Variants in CSMD1 observed in about 807,000 individuals in gnomAD.
The protein encoded by CSMD1 is CUB and sushi domain-containing protein 1.
CSMD1 carries 213 observed loss-of-function variants against 417.5 expected under a neutral mutation model. The ratio of observed to expected loss-of-function variants is 0.51; its 90% CI spans 0.46 to 0.57. The LOEUF (loss-of-function observed/expected upper bound fraction) is 0.57, where lower values mean the gene tolerates loss of function less well. Ranked by LOEUF, CSMD1 falls within the 20% of genes least tolerant of loss-of-function variation. The probability of loss-of-function intolerance (pLI) is 0.00; values close to 1 mark genes in which losing one functional copy is unlikely to be tolerated. For synonymous variants in CSMD1, 2,862 were observed against 1,736.8 expected, an observed-to-expected ratio of 1.65 and a Z score of -16.11; for missense variants, 6,923 against 4,529.7, an observed-to-expected ratio of 1.53 and a Z score of -15.17.
At position 4,511,176 on chromosome 8, in the gene CSMD1, A is replaced by T. The variant is rs556836603; in HGVS notation, c.303-91111T>A. The stretch of plus-strand genomic sequence containing the variant: ...TGTTAATTTTGTTTCCCACATAGCA[A>T]GCCTGCAATAGTCATCAGTCCATGT... On this transcript the variant is annotated intron_variant, in intron 2 of 69. Coordinates refer to ENST00000635120, the MANE Select transcript of CSMD1 (RefSeq NM_033225.6). Among the ~76,000 whole-genome samples, 11 of 152,214 alleles carry T rather than the reference A, an allele frequency of 7.2e-5. No individual in the cohort carries two copies. The East Asian group carries it at 2.1e-3, about 30-fold the overall frequency.
At chr8:3,094,661 A>G (rs930690121) in intron 47 of CSMD1, among the ~76,000 whole-genome samples, 7 of 152,210 alleles carry the variant, frequency 4.6e-5, no homozygotes, top group Admixed American at 3.3e-4. Context: ...TGATTAAAAT[A>G]CTGTGTTTTA....
At chr8:4,150,287 C>A (rs1277489529) in intron 3 of CSMD1, among the ~76,000 whole-genome samples, 1 of 152,154 alleles carries the variant, frequency 6.6e-6, no homozygotes, top group Non-Finnish European at 1.5e-5. Flanking sequence ...GTAGAAGTCT[C>A]CAAGCTTCCT....
Position 3,649,367 on chromosome 8 carries a change from C to G in CSMD1, c.1010-32570G>C, listed in dbSNP as rs767186145. 1.2e-4 allele frequency among the ~76,000 whole-genome samples: 18 copies of G among 152,160 alleles called. 1 individual carries two copies. The highest frequency in any genetic ancestry group is 2.6e-4 in the Non-Finnish European group (18 of 68,022). ...AGAAATCTAAATGTCCGCTTTTACACTGATATTAAAATTCATCTGTATTAG... is the reference window on the plus strand; with the variant it reads ...AGAAATCTAAATGTCCGCTTTTACAGTGATATTAAAATTCATCTGTATTAG... On this transcript the variant is annotated intron_variant, in intron 7 of 69. Transcript: ENST00000635120.
rs1028189539 is a variant in CSMD1 at position 3,399,322 on chromosome 8, A to G, written c.2405+69T>C. The G allele has an allele frequency of 2.2e-6, 3 of 1,394,842 alleles. No homozygotes were observed. In the African/African-American group the frequency reaches 4.4e-5, roughly 20 times the overall value. 86.4% of individuals were successfully genotyped at this position (1,394,842 alleles called of 1,614,324 possible). ...AACTGCCATCTTTTTAAAGTTTAAG[A>G]TCCATTTACTAAAACTATGGAAGAG... On this transcript the variant is annotated intron_variant, in intron 16 of 69. Coordinates refer to ENST00000635120, the MANE Select transcript of CSMD1 (RefSeq NM_033225.6).
chr8:4,166,167 T>A (rs560211658), intron 3 of CSMD1, among the ~76,000 whole-genome samples: 1 of 152,204 alleles, frequency 6.6e-6, no homozygotes, highest in Non-Finnish European at 1.5e-5. Flanking sequence ...AAATTTGTAG[T>A]AGTCTACTTG....
intron 3 of CSMD1, among the ~76,000 whole-genome samples, chr8:4,374,598 G>C (rs1802602404): frequency 6.6e-6 from 1 of 152,124 alleles, no homozygotes; most frequent in East Asian, 1.9e-4. Context: ...AAGGGAAGCA[G>C]CTAAGAAATG....
At chr8:4,887,578 C>A (rs539861062) in intron 1 of CSMD1, among the ~76,000 whole-genome samples, 2 of 151,916 alleles carry the variant, frequency 1.3e-5, no homozygotes, top group Non-Finnish European at 2.9e-5. Flanking sequence ...AAGTCACCAA[C>A]CATTATTTTA....
intron 5 of CSMD1, among the ~76,000 whole-genome samples, chr8:3,969,833 A>C (rs1473903489): frequency 6.6e-6 from 1 of 152,192 alleles, no homozygotes; most frequent in Non-Finnish European, 1.5e-5. Flanking sequence ...TTTTAAATGA[A>C]GTATCCATCT....
At position 4,543,671 on chromosome 8, in the gene CSMD1, GAAAAAAAAAAAAA is replaced by G. The variant is rs35739254; in HGVS notation, c.302+93658_302+93670del. On this transcript the variant is annotated intron_variant, in intron 2 of 69. Coordinates refer to ENST00000635120, the MANE Select transcript of CSMD1 (RefSeq NM_033225.6). ...ATATGGGAAGGACACGTTTAATTTT[GAAAAAAAAAAAAA>G]AAAAAAAAAAAAAAAACCCACACCA... is the stretch of plus-strand genomic sequence containing the variant. 1.9e-4 allele frequency among the ~76,000 whole-genome samples: 11 copies of G among 57,336 alleles called. No individual in the cohort carries two copies. The South Asian group carries it at 8.3e-3, about 43-fold the overall frequency. The allele number at this position is 57,336 out of a possible 152,430, so 37.6% of individuals were successfully genotyped here.
At chr8:4,674,456 G>A (rs1057232948) in intron 1 of CSMD1, among the ~76,000 whole-genome samples, 1 of 152,140 alleles carries the variant, frequency 6.6e-6, no homozygotes, top group Non-Finnish European at 1.5e-5. Flanking sequence ...CAAACACCTG[G>A]CAGAGGAGGC....
At chr8:3,296,476 G>C (rs536785651) in intron 25 of CSMD1, among the ~76,000 whole-genome samples, 1 of 152,050 alleles carries the variant, frequency 6.6e-6, no homozygotes. Context: ...ATGATACACC[G>C]ATGCGGGATT....
chr8:4,581,667 C>G (rs1799424110), intron 2 of CSMD1, among the ~76,000 whole-genome samples: 1 of 152,186 alleles, frequency 6.6e-6, no homozygotes, highest in African/African-American at 2.4e-5. Context: ...TCATTTGAAT[C>G]TGTCTATGCT....
Position 4,088,630 on chromosome 8 carries a change from TG to T in CSMD1, c.416-56532del, listed in dbSNP as rs549315744. 3.5e-3 allele frequency among the ~76,000 whole-genome samples: 538 copies of T among 152,270 alleles called. 2 individuals carry two copies. Among genetic ancestry groups the T allele is most frequent in the Non-Finnish European group, 6.1e-3 (415 of 68,022 alleles). ...CTCTCCCCTTCCCACCCAACCAGGT[TG>T]AGAGTAAAGCCCAAAGTCATTGTCT... On this transcript the variant is annotated intron_variant, in intron 3 of 69. Coordinates refer to ENST00000635120, the MANE Select transcript of CSMD1 (RefSeq NM_033225.6).
At chr8:4,324,639 C>G (rs1029343749) in intron 3 of CSMD1, among the ~76,000 whole-genome samples, 2 of 152,168 alleles carry the variant, frequency 1.3e-5, no homozygotes, top group African/African-American at 4.8e-5. Context: ...CAGAAGAAAA[C>G]AAACAAACAC....
At position 3,493,315 on chromosome 8, in the gene CSMD1, G is replaced by GAAAAA. The variant is rs1563090576; in HGVS notation, c.1448+307_1448+308insTTTTT. ...TCTCAAAAAAAAAAAAAAAAAAAGG[G>GAAAAA]GGGGCGGAGGGGTTGATTTGAAAAA... On this transcript the variant is annotated intron_variant, in intron 11 of 69. Transcript: ENST00000635120. 6.2e-4 allele frequency among the ~76,000 whole-genome samples: 92 copies of GAAAAA among 148,150 alleles called. 1 individual carries two copies. Among genetic ancestry groups the GAAAAA allele is most frequent in the African/African-American group, 2.1e-3 (84 of 39,752 alleles).
chr8:4,173,852 G>C (rs529893988), intron 3 of CSMD1, among the ~76,000 whole-genome samples: 4 of 152,236 alleles, frequency 2.6e-5, no homozygotes, highest in African/African-American at 7.2e-5. Flanking sequence ...CCTACTTCTT[G>C]GGAAGTCTCT....
At chr8:3,563,248 G>T (rs996494323) in intron 10 of CSMD1, among the ~76,000 whole-genome samples, 1 of 151,410 alleles carries the variant, frequency 6.6e-6, no homozygotes, top group Non-Finnish European at 1.5e-5. Flanking sequence ...GCACAAACCG[G>T]GATTTTAGTG....
chr8:3,536,722 C>A (rs1412408976), intron 10 of CSMD1, among the ~76,000 whole-genome samples: 2 of 152,158 alleles, frequency 1.3e-5, no homozygotes, highest in Non-Finnish European at 2.9e-5. Flanking sequence ...CTCCTCCGGT[C>A]TTGCAGGTGG....
chr8:4,297,388 A>T (rs1374595514), intron 3 of CSMD1, among the ~76,000 whole-genome samples: 1 of 152,122 alleles, frequency 6.6e-6, no homozygotes, highest in African/African-American at 2.4e-5. Context: ...AGCGTACTGT[A>T]ATTCATTTTT....
Sources: allele counts gnomAD v4.1 joint callset (sites outside exome capture counted in the v4.1 genomes callset), GRCh38; gene constraint gnomAD v4.1.1; transcripts MANE v1.5; gene names NCBI Gene and HGNC (gene_info 2026-07-23, HGNC 2026-07-21).